SPATA13: variants seen among roughly 807,000 people sequenced by gnomAD.
The protein encoded by SPATA13 is spermatogenesis-associated protein 13.
A neutral mutation model predicts 104.0 loss-of-function variants in SPATA13; 50 were observed. The observed-to-expected ratio is 0.48, with a 90% CI of 0.38 to 0.61. SPATA13 has a LOEUF of 0.61. SPATA13 is among the 20% of genes least tolerant of loss of function. SPATA13 has a pLI of 0.00. For synonymous variants in SPATA13, 606 were observed against 667.5 expected (o/e 0.91, Z 1.42); for missense variants, 1,524 against 1,690.6 (o/e 0.90, Z 1.73).
chr13:24,089,154 C>T (rs1018388307), intron 3 of SPATA13, among the ~76,000 whole-genome samples: 30 of 152,180 alleles, frequency 2.0e-4, no homozygotes, highest in African/African-American at 5.6e-4. Flanking sequence ...CGGAAGCACA[C>T]GTAGGAAGAG....
At chr13:24,131,868 G>C (rs1378704191) in intron 3 of SPATA13, among the ~76,000 whole-genome samples, 1 of 152,196 alleles carries the variant, frequency 6.6e-6, no homozygotes, top group African/African-American at 2.4e-5. Context: ...GCAGATTAGA[G>C]AGGTAGGCAG....
intron 3 of SPATA13, among the ~76,000 whole-genome samples, chr13:24,132,560 A>C (rs536374856): frequency 6.6e-6 from 1 of 152,360 alleles, no homozygotes; most frequent in African/African-American, 2.4e-5. Flanking sequence ...TTGAAACTAA[A>C]ATTATTTAAA....
chr13:24,038,381 A>G (rs1475062179), intron 3 of SPATA13, among the ~76,000 whole-genome samples: 1 of 152,100 alleles, frequency 6.6e-6, no homozygotes, highest in African/African-American at 2.4e-5. Context: ...TTGGAGTCCC[A>G]ACCATCTGGT....
chr13:24,124,636 G>T (rs1231645997), intron 3 of SPATA13, among the ~76,000 whole-genome samples: 1 of 152,138 alleles, frequency 6.6e-6, no homozygotes, highest in African/African-American at 2.4e-5. Flanking sequence ...AAGCTAAACA[G>T]CCCACTTGAC....
At chr13:24,250,001 C>G (rs1436758583) in intron 3 of SPATA13, among the ~76,000 whole-genome samples, 159 bp downstream of exon 3, 1 of 152,212 alleles carries the variant, frequency 6.6e-6, no homozygotes, top group Non-Finnish European at 1.5e-5. Flanking sequence ...TGAAAACATG[C>G]ATGAATTCAA....
intron 3 of SPATA13, among the ~76,000 whole-genome samples, chr13:24,040,017 G>A (rs1288637955): frequency 2.0e-5 from 3 of 152,174 alleles, no homozygotes; most frequent in Non-Finnish European, 4.4e-5. Flanking sequence ...GCCGGGCAAT[G>A]TTTGGCCAAT....
At chr13:24,119,613 G>A (rs2137822749) in intron 3 of SPATA13, among the ~76,000 whole-genome samples, 1 of 152,296 alleles carries the variant, frequency 6.6e-6, no homozygotes, top group South Asian at 2.1e-4. Context: ...GTCCTCAAAG[G>A]CAGCCCATGA....
At chr13:24,059,908 T>G (rs1480878032) in intron 3 of SPATA13, among the ~76,000 whole-genome samples, 1 of 152,216 alleles carries the variant, frequency 6.6e-6, no homozygotes, top group Non-Finnish European at 1.5e-5. Flanking sequence ...AAGAGGGGCA[T>G]CCTTGTCTTG....
At chr13:24,043,399 A>T (rs931585383) in intron 3 of SPATA13, among the ~76,000 whole-genome samples, 5 of 152,150 alleles carry the variant, frequency 3.3e-5, no homozygotes, top group African/African-American at 1.2e-4. Context: ...TTGGGAAATC[A>T]TTTGTAGCAA....
At chr13:24,089,382 T>C (rs1879842998) in intron 3 of SPATA13, among the ~76,000 whole-genome samples, 1 of 152,180 alleles carries the variant, frequency 6.6e-6, no homozygotes, top group Admixed American at 6.5e-5. Flanking sequence ...GATAAAGATA[T>C]TTCCGTTTTC....
intron 2 of SPATA13, among the ~76,000 whole-genome samples, chr13:23,991,933 T>A (rs954441760): frequency 4.6e-5 from 7 of 152,190 alleles, no homozygotes; most frequent in African/African-American, 1.7e-4. Context: ...CCACCCCAAA[T>A]GGGAAGAGGA....
Position 24,161,567 on chromosome 13 carries a change from G to T in SPATA13, c.-112+635G>T, listed in dbSNP as rs1593369233. ...AGGAGGTGGGGGAATTGGTACTCCA[G>T]CCCCAGGCAGGTAGAAGCCCGCGCT... On this transcript the variant is annotated intron_variant, in intron 1 of 12. Transcript: ENST00000382108. The surrounding 1 kb of genome is among the most constrained non-coding windows in gnomAD (Gnocchi z 4.5). 6.6e-6 allele frequency among the ~76,000 whole-genome samples: 1 copy of T among 152,138 alleles called. No homozygotes were observed. Among genetic ancestry groups the T allele is most frequent in the East Asian group, 1.9e-4 (1 of 5,170 alleles).
intron 3 of SPATA13, among the ~76,000 whole-genome samples, chr13:24,118,206 C>T (rs1292883968): frequency 1.3e-5 from 2 of 152,184 alleles, no homozygotes; most frequent in Non-Finnish European, 2.9e-5. Flanking sequence ...CTCTGTGTTC[C>T]ACCACCTGAC....
rs1882476772 is a variant in SPATA13 at position 24,161,300 on chromosome 13, G to C, written c.-112+368G>C. On this transcript the variant is annotated intron_variant, in intron 1 of 12. Transcript: ENST00000382108. The surrounding 1 kb of genome is among the most constrained non-coding windows in gnomAD (Gnocchi z 4.5). ...GGGCCTGGCCTACAGGGGCGGCCGT[G>C]GGGGTGGCAGAGTCTGGGGAGCCTG... Among the ~76,000 whole-genome samples the C allele has an allele frequency of 6.6e-6, 1 of 152,200 alleles. No individual in the cohort carries two copies. The highest frequency in any genetic ancestry group is 1.5e-5 in the Non-Finnish European group (1 of 68,028).
At chr13:24,207,001 A>C (rs761906685) in intron 1 of SPATA13, among the ~76,000 whole-genome samples, 6 of 152,368 alleles carry the variant, frequency 3.9e-5, no homozygotes, top group South Asian at 2.1e-4. Context: ...TGGATAAAGA[A>C]AAGTGGTATG....
intron 3 of SPATA13, among the ~76,000 whole-genome samples, chr13:24,119,271 G>T (rs1263309438): frequency 6.6e-6 from 1 of 152,076 alleles, no homozygotes; most frequent in African/African-American, 2.4e-5. Flanking sequence ...TAAGCACCTG[G>T]CTCAGAATAA....
intron 2 of SPATA13, among the ~76,000 whole-genome samples, chr13:24,241,210 C>A (rs1362683487): frequency 6.6e-6 from 1 of 152,184 alleles, no homozygotes; most frequent in African/African-American, 2.4e-5. Flanking sequence ...TTTATTTTTA[C>A]CTACAAGCCA....
In SPATA13 at chr13:24,257,339, G is replaced by A. The variant is rs762505622; in HGVS notation, c.2164+5477G>A. Among the ~76,000 whole-genome samples, 74 of 152,160 alleles carry A rather than the reference G, an allele frequency of 4.9e-4. 1 individual carries two copies. Among genetic ancestry groups the A allele is most frequent in the Non-Finnish European group, 9.3e-4 (63 of 68,032 alleles). Reference sequence around the variant, plus strand: ...GCACACCCGTGCACCAAAGTCAGTCGATATGGGTAGACCCCTTTCAAAAAA... The same window carrying A: ...GCACACCCGTGCACCAAAGTCAGTCAATATGGGTAGACCCCTTTCAAAAAA... On this transcript the variant is annotated intron_variant, in intron 4 of 12. Transcript: ENST00000382108.
intron 2 of SPATA13, among the ~76,000 whole-genome samples, chr13:24,016,604 G>A (rs1483417552): frequency 6.6e-6 from 1 of 152,210 alleles, no homozygotes; most frequent in African/African-American, 2.4e-5. Flanking sequence ...TCAGTGTCCA[G>A]GGCCCGGGCA....
Sources: allele counts gnomAD v4.1 joint callset (sites outside exome capture counted in the v4.1 genomes callset), GRCh38; gene constraint gnomAD v4.1.1; non-coding constraint Gnocchi (gnomAD v3.1); transcripts MANE v1.5; gene names NCBI Gene and HGNC (gene_info 2026-07-23, HGNC 2026-07-21).